Variants in GALNT2 observed in about 807,000 individuals in gnomAD.
The protein encoded by GALNT2 is UDP-GalNAc:polypeptide N-acetylgalactosaminyltransferase 2.
A neutral mutation model predicts 81.4 loss-of-function variants in GALNT2; 31 were observed. The ratio of observed to expected loss-of-function variants is 0.38; its 90% CI spans 0.29 to 0.51. The LOEUF is 0.51. Among genes scored for constraint, GALNT2 ranks in the 20% least tolerant of loss-of-function variants. The pLI, the probability that GALNT2 is intolerant of heterozygous loss-of-function variation, is 0.87. For missense variants in GALNT2, 629 were observed against 765.7 expected (o/e 0.82, Z 2.11); for synonymous variants, 303 against 287.4 (o/e 1.05, Z -0.55).
At chr1:230,079,839 A>G (rs1228998468) in intron 1 of GALNT2, among the ~76,000 whole-genome samples, 1 of 152,188 alleles carries the variant, frequency 6.6e-6, no homozygotes, top group Non-Finnish European at 1.5e-5. Flanking sequence ...AGACGGGCTC[A>G]TGAGGAATGT....
chr1:230,148,488 C>T (rs1392436001), intron 1 of GALNT2, among the ~76,000 whole-genome samples: 3 of 152,264 alleles, frequency 2.0e-5, no homozygotes, highest in Admixed American at 6.5e-5. Context: ...GCTGCAGAGG[C>T]GGCTCCACGC....
chr1:230,259,243 AT>A (rs1665806416), intron 11 of GALNT2, among the ~76,000 whole-genome samples: 1 of 152,254 alleles, frequency 6.6e-6, no homozygotes, highest in African/African-American at 2.4e-5. Context: ...GATATGGAAT[AT>A]TTATATGTAC....
In GALNT2 at chr1:230,219,987, G is replaced by A. The variant is rs551002032; in HGVS notation, c.375-16027G>A. On this transcript the variant is annotated intron_variant, in intron 3 of 15. Transcript: ENST00000366672. ...AGTTGCTTTGGGACAGAGACTATCTGTAATTAGACAGTTCTCTAATTCCTC... is the reference window on the plus strand; with the variant it reads ...AGTTGCTTTGGGACAGAGACTATCTATAATTAGACAGTTCTCTAATTCCTC... Among the ~76,000 whole-genome samples, 13 of 152,270 alleles carry A rather than the reference G, an allele frequency of 8.5e-5. No individual in the cohort carries two copies. The South Asian group carries it at 2.7e-3, about 32-fold the overall frequency.
chr1:230,239,344 C>A (rs1665127577), intron 6 of GALNT2, among the ~76,000 whole-genome samples: 2 of 152,148 alleles, frequency 1.3e-5, no homozygotes, highest in Admixed American at 1.3e-4. Flanking sequence ...CACACAATCA[C>A]AAGGTGAAGC....
chr1:230,236,171 C>A, intron 4 of GALNT2, 59 bp downstream of exon 4: 2 of 1,543,326 alleles, frequency 1.3e-6, no homozygotes, highest in Non-Finnish European at 8.9e-7. Flanking sequence ...GTGTCCCAGG[C>A]ACAGTCAGAC....
At chr1:230,165,898 T>G (rs554346961) in intron 1 of GALNT2, among the ~76,000 whole-genome samples, 2 of 152,222 alleles carry the variant, frequency 1.3e-5, no homozygotes, top group Non-Finnish European at 2.9e-5. Context: ...AGGCATGATG[T>G]GAATGTGCTC....
rs774570005 is a variant in GALNT2 at position 230,274,481 on chromosome 1, A to C, written c.1477A>C (p.Met493Leu). Residue 493 changes from methionine to leucine, a missense_variant, in exon 15 of 16, where the codon ATG becomes CTG. Around this residue, in one of 3 missense-constraint regions of GALNT2, gnomAD observed 207 missense variants for 225.5 expected, o/e 0.92. Coordinates refer to ENST00000366672, the MANE Select transcript of GALNT2 (RefSeq NM_004481.5). ...GACGAAGGAGAAGTCGGTGAAGCACATGGATTTGTGCCTTACTGTGGTGGA... is the reference window on the plus strand; with the variant it reads ...GACGAAGGAGAAGTCGGTGAAGCACCTGGATTTGTGCCTTACTGTGGTGGA... ...ALTKEKSVKHMDLCLTVVDRA... is the reference protein window; with the variant it reads ...ALTKEKSVKHLDLCLTVVDRA... 1 of 1,613,828 alleles carries C rather than the reference A, an allele frequency of 6.2e-7. No individual in the cohort carries two copies. Among genetic ancestry groups the C allele is most frequent in the South Asian group, 1.1e-5 (1 of 90,994 alleles).
At chr1:230,196,149 G>A (rs1663688544) in intron 2 of GALNT2, among the ~76,000 whole-genome samples, 1 of 152,236 alleles carries the variant, frequency 6.6e-6, no homozygotes, top group African/African-American at 2.4e-5. Context: ...AGGATTTGCA[G>A]CCACTGGGCA....
chr1:230,094,326 T>C (rs1379693773), intron 1 of GALNT2, among the ~76,000 whole-genome samples: 1 of 113,594 alleles, frequency 8.8e-6, no homozygotes, highest in Non-Finnish European at 1.8e-5. Flanking sequence ...TTTATATATT[T>C]AAGAACATAT....
At chr1:230,114,687 C>T (rs545969298) in intron 1 of GALNT2, among the ~76,000 whole-genome samples, 6 of 152,292 alleles carry the variant, frequency 3.9e-5, no homozygotes, top group African/African-American at 1.4e-4. Context: ...GCACTCAGCT[C>T]ACCTTTTAGT....
At chr1:230,216,962 T>C (rs1664408833) in intron 3 of GALNT2, among the ~76,000 whole-genome samples, 1 of 152,128 alleles carries the variant, frequency 6.6e-6, no homozygotes, top group Non-Finnish European at 1.5e-5. Context: ...GGATTTAAAG[T>C]TTTATATTCA....
intron 2 of GALNT2, among the ~76,000 whole-genome samples, chr1:230,181,211 G>A (rs532145071): frequency 2.6e-5 from 4 of 152,210 alleles, no homozygotes; most frequent in Admixed American, 2.0e-4. Context: ...TCACCATTAA[G>A]TATGATGTTA....
chr1:230,089,742 T>G (rs894937195), intron 1 of GALNT2, among the ~76,000 whole-genome samples: 2 of 152,176 alleles, frequency 1.3e-5, no homozygotes, highest in African/African-American at 4.8e-5. Flanking sequence ...GTGACAGGAT[T>G]TCCTTTCTTT....
chr1:230,059,581 T>G (rs1340425897), intron 1 of GALNT2, among the ~76,000 whole-genome samples: 4 of 152,224 alleles, frequency 2.6e-5, no homozygotes, highest in African/African-American at 9.6e-5. Context: ...ACGCTTGGGC[T>G]GTGGGGTTGT....
chr1:230,059,972 G>C (rs1659006353), intron 1 of GALNT2, among the ~76,000 whole-genome samples: 1 of 152,142 alleles, frequency 6.6e-6, no homozygotes, highest in African/African-American at 2.4e-5. Flanking sequence ...TTACCATAGT[G>C]TACCATGGTA....
At chr1:230,274,745 G>A (rs535517881) in intron 15 of GALNT2, among the ~76,000 whole-genome samples, 181 bp downstream of exon 15, 6 of 152,224 alleles carry the variant, frequency 3.9e-5, no homozygotes, top group African/African-American at 1.4e-4. Flanking sequence ...CAAACCTAAT[G>A]TTGCTTATTT....
At chr1:230,090,670 TC>T (rs1660043502) in intron 1 of GALNT2, among the ~76,000 whole-genome samples, 1 of 152,256 alleles carries the variant, frequency 6.6e-6, no homozygotes, top group Non-Finnish European at 1.5e-5. Flanking sequence ...GTTGAAGGTT[TC>T]TATCTGTGTT....
chr1:230,129,127 A>G (rs1661288751), intron 1 of GALNT2, among the ~76,000 whole-genome samples: 2 of 152,202 alleles, frequency 1.3e-5, no homozygotes, highest in South Asian at 4.1e-4. Context: ...GTTCGTTTGT[A>G]GTCTGTTTCT....
In GALNT2 at chr1:230,232,780, A is replaced by G. The variant is rs545551221; in HGVS notation, c.375-3234A>G. Among the ~76,000 whole-genome samples, 6 of 152,326 alleles carry G rather than the reference A, an allele frequency of 3.9e-5. No individual in the cohort carries two copies. The South Asian group carries it at 1.2e-3, about 32-fold the overall frequency. On this transcript the variant is annotated intron_variant, in intron 3 of 15. Transcript: ENST00000366672. ...ATCTAACAATCTGCTAATTCTTAAA[A>G]TTGGAAAAAAGAAAGAAAAACCAGC...
Sources: gnomAD v4.1 joint callset for allele counts (sites outside exome capture counted in the v4.1 genomes callset) on GRCh38, gnomAD v4.1.1 for gene constraint, gnomAD v4.1.1 regional missense constraint, MANE v1.5 for transcripts, NCBI Gene and HGNC (gene_info 2026-07-23, HGNC 2026-07-21) for gene names.